TBL3: variants seen among roughly 807,000 people sequenced by gnomAD.
TBL3 encodes transducin beta like 3, also known as transducin beta-like protein 3.
A neutral mutation model predicts 102.7 loss-of-function variants in TBL3; 71 were observed. The observed-to-expected ratio is 0.69, with a 90% CI of 0.57 to 0.84. TBL3 has a LOEUF of 0.84. TBL3 is among the 40% of genes least tolerant of loss of function. TBL3 has a pLI of 0.00. For synonymous variants in TBL3, 578 were observed against 477.7 expected (o/e 1.21, Z -2.74); for missense variants, 1,188 against 1,098.5 (o/e 1.08, Z -1.15).
In TBL3 at chr16:1,975,426, GC is replaced by G; in HGVS notation, c.794del (p.Ala265ValfsTer31). On this transcript the variant is annotated frameshift_variant, in exon 9 of 22. Coordinates refer to ENST00000568546, the MANE Select transcript of TBL3 (RefSeq NM_006453.3). LOFTEE classifies it high-confidence loss of function. Reference protein sequence around the residue: ...VKSPGLYFLTAGDQGTLRVWE... With the variant: ...VKSPGLYFLTXGDQGTLRVWE... ...GTCCCCAGGGCTGTACTTTCTGACAGCTGGCGACCAAGGTGTGTTGGGCCGG... is the reference window on the plus strand; with the variant it reads ...GTCCCCAGGGCTGTACTTTCTGACAGTGGCGACCAAGGTGTGTTGGGCCGG... The G allele has an allele frequency of 6.2e-7, 1 of 1,613,770 alleles. No homozygotes were observed. Among genetic ancestry groups the G allele is most frequent in the Non-Finnish European group, 8.5e-7 (1 of 1,179,940 alleles).
At chr16:1,975,317 A>G (rs2083392095) in intron 8 of TBL3, 28 bp from the exon 9 acceptor site, 1 of 1,613,836 alleles carries the variant, frequency 6.2e-7, no homozygotes, top group African/African-American at 1.3e-5. Context: ...GGGGCATGAT[A>G]GCAGCCTGTG....
Position 1,978,916 on chromosome 16 carries a change from G to T in TBL3, c.*231G>T, listed in dbSNP as rs1390746339. ...GGCTCCGCACGCTTAGACGGTGGGGGTCATGCAGAACAAGCTTTACTCAGA... is the reference window on the plus strand; with the variant it reads ...GGCTCCGCACGCTTAGACGGTGGGGTTCATGCAGAACAAGCTTTACTCAGA... On this transcript the variant is annotated 3_prime_UTR_variant, in exon 22 of 22. Transcript: ENST00000568546. 2 of 1,109,028 alleles carry T rather than the reference G, an allele frequency of 1.8e-6. No homozygotes were observed. Among genetic ancestry groups the T allele is most frequent in the African/African-American group, 1.6e-5 (1 of 62,804 alleles). 68.7% of individuals were successfully genotyped at this position (1,109,028 alleles called of 1,614,324 possible). A position where few individuals can be genotyped will look rare whatever the true frequency, so the allele number is the denominator to read the frequency against.
Position 1,979,673 on chromosome 16 carries a change from C to G in TBL3, c.*988C>G. Reference sequence around the variant, plus strand: ...CTCTAAGACCGGTTCGGGGCTTCCTCTAGGTGCGGAGACCAAGCACGGGCT... The same window carrying G: ...CTCTAAGACCGGTTCGGGGCTTCCTGTAGGTGCGGAGACCAAGCACGGGCT... On this transcript the variant is annotated 3_prime_UTR_variant, in exon 22 of 22. Coordinates refer to ENST00000568546, the MANE Select transcript of TBL3 (RefSeq NM_006453.3). The G allele has an allele frequency of 2.5e-6, 3 of 1,180,422 alleles. No homozygotes were observed. Among genetic ancestry groups the G allele is most frequent in the South Asian group, 1.5e-5 (1 of 66,670 alleles). The allele number at this position is 1,180,422 out of a possible 1,614,324, so 73.1% of individuals were successfully genotyped here.
rs757214036 is a variant in TBL3 at position 1,981,056 on chromosome 16, T to C, written c.*2371T>C. On this transcript the variant is annotated 3_prime_UTR_variant, in exon 22 of 22. Coordinates refer to ENST00000568546, the MANE Select transcript of TBL3 (RefSeq NM_006453.3). ...AAAGTTGGGAGTGCCGTGGAGGTGCTGGTCCAGGCACCCCCTTCCTATCCC... is the reference window on the plus strand; with the variant it reads ...AAAGTTGGGAGTGCCGTGGAGGTGCCGGTCCAGGCACCCCCTTCCTATCCC... 1.6e-5 allele frequency: 25 copies of C among 1,609,110 alleles called. No homozygotes were observed. Among genetic ancestry groups the C allele is most frequent in the Non-Finnish European group, 2.0e-5 (24 of 1,176,248 alleles).
chr16:1,980,265 C>T lies in TBL3; in HGVS notation c.*1580C>T, dbSNP rs527577865. The T allele has an allele frequency of 7.3e-6, 11 of 1,516,218 alleles. No individual in the cohort carries two copies. The African/African-American group carries it at 9.5e-5, about 13-fold the overall frequency. The allele number at this position is 1,516,218 out of a possible 1,614,324, so 93.9% of individuals were successfully genotyped here. Reference sequence around the variant, plus strand: ...GCGCCACCCCGGCAAGACCGCCAGCCTCCCACTCTCTGCCCCTATTCGCTG... The same window carrying T: ...GCGCCACCCCGGCAAGACCGCCAGCTTCCCACTCTCTGCCCCTATTCGCTG... On this transcript the variant is annotated 3_prime_UTR_variant, in exon 22 of 22. Coordinates refer to ENST00000568546, the MANE Select transcript of TBL3 (RefSeq NM_006453.3).
chr16:1,980,983 C>T lies in TBL3; in HGVS notation c.*2298C>T. ...TCCCAACTCCTGCGCACGAAGGTGTCGCTGCCGTCTGACCAGCGCACAGAG... is the reference window on the plus strand; with the variant it reads ...TCCCAACTCCTGCGCACGAAGGTGTTGCTGCCGTCTGACCAGCGCACAGAG... On this transcript the variant is annotated 3_prime_UTR_variant, in exon 22 of 22. Transcript: ENST00000568546. 1 of 1,613,240 alleles carries T rather than the reference C, an allele frequency of 6.2e-7. No homozygotes were observed. Among genetic ancestry groups the T allele is most frequent in the Non-Finnish European group, 8.5e-7 (1 of 1,180,008 alleles).
rs1317992339 is a variant in TBL3 at position 1,978,405 on chromosome 16, G to T, written c.2227G>T (p.Ala743Ser). Residue 743 changes from alanine (A) to serine (S), a missense_variant, in exon 21 of 22, where the codon GCC becomes TCC. By Grantham distance (99) the Ala-to-Ser change is moderately conservative (BLOSUM62 1). Transcript: ENST00000568546. Reference sequence around the variant, plus strand: ...GCTGGGTGTGCTCTTGAGGCGAGAGGCCCCCGAGGAGCTGCTGGCCTACGA... The same window carrying T: ...GCTGGGTGTGCTCTTGAGGCGAGAGTCCCCCGAGGAGCTGCTGGCCTACGA... ...AVLGVLLRRE[A>S]PEELLAYEGV... The T allele has an allele frequency of 1.9e-6, 3 of 1,611,330 alleles. No individual in the cohort carries two copies. In the East Asian group the frequency reaches 6.7e-5, roughly 36 times the overall value.
rs375361522 is a variant in TBL3, at chr16:1,974,331, G to A, written c.189+39G>A. Reference sequence around the variant, plus strand: ...GGGTGGGTGAGGGGCAAGTGGAGAGGGCAGCCCACTCACACCGTGCTCGGC... The same window carrying A: ...GGGTGGGTGAGGGGCAAGTGGAGAGAGCAGCCCACTCACACCGTGCTCGGC... On this transcript the variant is annotated intron_variant, in intron 3 of 21. Coordinates refer to ENST00000568546, the MANE Select transcript of TBL3 (RefSeq NM_006453.3). 5.3e-5 allele frequency: 84 copies of A among 1,590,504 alleles called. 1 individual carries two copies. In the East Asian group the frequency reaches 9.2e-4, roughly 17 times the overall value.
chr16:1,977,514 C>G lies in TBL3; in HGVS notation c.1743C>G (p.Ser581Arg). Residue 581 changes from serine (S) to arginine (R), a missense_variant and splice_region_variant, in exon 17 of 22, where the codon AGC becomes AGG. Physicochemically the swap from Ser to Arg is moderately radical, Grantham distance 110. Transcript: ENST00000568546. ...GAGCCTCTCCCCACCCCAAACCCAG[C>G]GGTTCGGATGGCCTCGTGAAGCTCT... ...FVSRGTQLLS[S>R]GSDGLVKLWT... 1 of 1,608,008 alleles carries G rather than the reference C, an allele frequency of 6.2e-7. No individual in the cohort carries two copies. The highest frequency in any genetic ancestry group is 8.5e-7 in the Non-Finnish European group (1 of 1,177,486).
chr16:1,976,900 C>T lies in TBL3; in HGVS notation c.1379C>T (p.Thr460Ile), dbSNP rs755944498. Residue 460 changes from threonine to isoleucine, a missense_variant, in exon 14 of 22, where the codon ACA becomes ATA. Physicochemically the swap from Thr to Ile is moderately conservative, Grantham distance 89. Coordinates refer to ENST00000568546, the MANE Select transcript of TBL3 (RefSeq NM_006453.3). ...PLPKALLSKN[T>I]APDNGPILLQ... ...CCCAAAGCCTTGCTGTCCAAGAACA[C>T]AGCCCCAGACAACGGCCCTATCCTC... 11 of 1,613,880 alleles carry T rather than the reference C, an allele frequency of 6.8e-6. No individual in the cohort carries two copies. The African/African-American group carries it at 9.3e-5, about 14-fold the overall frequency.
rs762672768 is a variant in TBL3 at position 1,974,415 on chromosome 16, G to A, written c.229G>A (p.Asp77Asn). 5 of 1,609,890 alleles carry A rather than the reference G, an allele frequency of 3.1e-6. No homozygotes were observed. In the South Asian group the frequency reaches 5.5e-5, roughly 18 times the overall value. Residue 77 changes from aspartate (D) to asparagine (N), a missense_variant, in exon 4 of 22, where the codon GAC (aspartate) becomes AAC (asparagine). Coordinates refer to ENST00000568546, the MANE Select transcript of TBL3 (RefSeq NM_006453.3). ...CATCACTGCCTTTGACCTCAGCCCT[G>A]ACAACGAGGTATGTGGGGCGGGGCC... The part of the protein sequence containing the change: ...EDITAFDLSP[D>N]NEVLVTASRA...
Position 1,977,001 on chromosome 16 carries a change from C to G in TBL3, c.1440+40C>G, listed in dbSNP as rs376826545. ...ACTGGGGTGGGGGTGTGGCCAAGCC[C>G]TTGCTGGGGGAAGATGGGGGATTGC... is the stretch of plus-strand genomic sequence containing the variant. On this transcript the variant is annotated intron_variant, in intron 14 of 21. Coordinates refer to ENST00000568546, the MANE Select transcript of TBL3 (RefSeq NM_006453.3). 3.1e-6 allele frequency: 5 copies of G among 1,612,638 alleles called. No individual in the cohort carries two copies. The Admixed American group carries it at 5.0e-5, about 16-fold the overall frequency.
chr16:1,975,867 C>T lies in TBL3; in HGVS notation c.1047C>T (p.His349=), dbSNP rs2083397318. ...GGTTTCTTGGGCCCGAGGACTCCCA[C>T]GTTGTCGTGGCCTCCAATAGCCCCT... ...DVRFLGPEDS[H]VVVASNSPCL... Residue 349 remains histidine, a synonymous_variant, in exon 11 of 22, where the codon CAC becomes CAT. Transcript: ENST00000568546. 3 of 1,614,156 alleles carry T rather than the reference C, an allele frequency of 1.9e-6. No homozygotes were observed. The highest frequency in any genetic ancestry group is 1.1e-5 in the South Asian group (1 of 91,092).
chr16:1,979,757 G>A lies in TBL3; in HGVS notation c.*1072G>A, dbSNP rs895040505. 4.1e-6 allele frequency: 6 copies of A among 1,449,042 alleles called. No individual in the cohort carries two copies. The highest frequency in any genetic ancestry group is 1.4e-5 in the African/African-American group (1 of 70,902). 89.8% of individuals were successfully genotyped at this position (1,449,042 alleles called of 1,614,324 possible). On this transcript the variant is annotated 3_prime_UTR_variant, in exon 22 of 22. Transcript: ENST00000568546. ...AGTCTTGCCACACGGTCAAGCCGCAGTGGTGGCGTGAGGGGTGGGGTTAGG... is the reference window on the plus strand; with the variant it reads ...AGTCTTGCCACACGGTCAAGCCGCAATGGTGGCGTGAGGGGTGGGGTTAGG...
In TBL3 at chr16:1,974,227, G is replaced by C; in HGVS notation, c.124G>C (p.Val42Leu). The change falls in exon 3 of 22, where the codon GTC (valine) becomes CTC (leucine). Residue 42 changes from valine (V) to leucine (L), a missense_variant. Transcript: ENST00000568546. The stretch of plus-strand genomic sequence containing the variant: ...CCAGACTGGCCAGCACCTCTTCTGC[G>C]TCTGTGGCACCAGAGTCAACATTCT... ...LDQTGQHLFC[V>L]CGTRVNILEV... The C allele has an allele frequency of 6.2e-7, 1 of 1,602,884 alleles. No individual in the cohort carries two copies. The highest frequency in any genetic ancestry group is 8.5e-7 in the Non-Finnish European group (1 of 1,173,810).
chr16:1,979,132 C>T lies in TBL3; in HGVS notation c.*447C>T, dbSNP rs1489605902. On this transcript the variant is annotated 3_prime_UTR_variant, in exon 22 of 22. Coordinates refer to ENST00000568546, the MANE Select transcript of TBL3 (RefSeq NM_006453.3). Reference sequence around the variant, plus strand: ...TGGCGCCGTGGGCGCCGCTCCAGGGCCCTGCGTGTGACGGTGCAGCAGCGG... The same window carrying T: ...TGGCGCCGTGGGCGCCGCTCCAGGGTCCTGCGTGTGACGGTGCAGCAGCGG... 4.1e-6 allele frequency: 6 copies of T among 1,480,124 alleles called. No individual in the cohort carries two copies. In the Admixed American group the frequency reaches 8.2e-5, roughly 20 times the overall value. The allele number at this position is 1,480,124 out of a possible 1,614,324, so 91.7% of individuals were successfully genotyped here.
At chr16:1,977,717 C>T (rs1280017263) in intron 17 of TBL3, 25 bp from the exon 18 acceptor site, 2 of 1,552,092 alleles carry the variant, frequency 1.3e-6, no homozygotes, top group Admixed American at 2.0e-5. Context: ...AGTGGAGGCC[C>T]CATCTGACCC....
Position 1,977,195 on chromosome 16 carries a change from C to T in TBL3, c.1582C>T (p.Gln528Ter), listed in dbSNP as rs1263520374. 2.5e-6 allele frequency: 4 copies of T among 1,613,138 alleles called. No individual in the cohort carries two copies. Among genetic ancestry groups the T allele is most frequent in the Non-Finnish European group, 3.4e-6 (4 of 1,179,986 alleles). Residue 528 changes from glutamine to a stop codon, truncating the protein, a stop_gained, in exon 15 of 22, where the codon CAG becomes TAG. Coordinates refer to ENST00000568546, the MANE Select transcript of TBL3 (RefSeq NM_006453.3). LOFTEE classifies it high-confidence loss of function. The stretch of plus-strand genomic sequence containing the variant: ...CCACCGGCGTGGCCTCTGGTGCGTC[C>T]AGTTCTCTCCCATGGACCAGGTGCT... ...SGHRRGLWCV[Q>*]FSPMDQVLAT...
Position 1,981,560 on chromosome 16 carries a change from T to C in TBL3, c.*2875T>C, listed in dbSNP as rs1172519532. ...AGGAGGGAGGAGAAGGCAGGGCTAATCAAAGCGCCACCTGTCCTGCCCACC... is the reference window on the plus strand; with the variant it reads ...AGGAGGGAGGAGAAGGCAGGGCTAACCAAAGCGCCACCTGTCCTGCCCACC... On this transcript the variant is annotated 3_prime_UTR_variant, in exon 22 of 22. Transcript: ENST00000568546. 3 of 279,710 alleles carry C rather than the reference T, an allele frequency of 1.1e-5. No homozygotes were observed. Among genetic ancestry groups the C allele is most frequent in the Non-Finnish European group, 2.1e-5 (3 of 145,446 alleles). 17.3% of individuals were successfully genotyped at this position (279,710 alleles called of 1,614,324 possible).
Sources: gnomAD v4.1 joint callset for allele counts on GRCh38, gnomAD v4.1.1 for gene constraint, MANE v1.5 for transcripts, NCBI Gene and HGNC (gene_info 2026-07-23, HGNC 2026-07-21) for gene names.